Variants in SPATA6L observed in about 807,000 individuals in gnomAD.
The protein encoded by SPATA6L is spermatogenesis associated 6-like protein.
In SPATA6L, 68 loss-of-function variants were observed where a neutral mutation model predicts 49.2. The ratio of observed to expected loss-of-function variants is 1.38; its 90% confidence interval spans 1.14 to 1.69. The LOEUF (loss-of-function observed/expected upper bound fraction) is 1.69. SPATA6L is among the 40% of genes most tolerant of loss of function. The pLI is 0.00. For synonymous variants in SPATA6L, 198 were observed against 165.7 expected, an observed-to-expected ratio of 1.19 and a Z score of -1.50; for missense variants, 668 against 464.3, an observed-to-expected ratio of 1.44 and a Z score of -4.03.
At chr9:4,625,023 T>C (rs1359382248) in intron 6 of SPATA6L, among the ~76,000 whole-genome samples, 3 of 152,200 alleles carry the variant, frequency 2.0e-5, no homozygotes, top group East Asian at 1.9e-4. Context: ...TGTCAGTTCA[T>C]TGACTCTTCA....
At chr9:4,641,243 T>C (rs552984653) in intron 3 of SPATA6L, among the ~76,000 whole-genome samples, 1 of 152,268 alleles carries the variant, frequency 6.6e-6, no homozygotes, top group African/African-American at 2.4e-5. Flanking sequence ...CGTGTTTATA[T>C]ATACTGTATT....
intron 9 of SPATA6L, among the ~76,000 whole-genome samples, chr9:4,613,231 A>C (rs944837643): frequency 6.6e-6 from 1 of 151,498 alleles, no homozygotes; most frequent in African/African-American, 2.4e-5. Flanking sequence ...CTATCTCAAA[A>C]AAAAAAAAGA....
At chr9:4,624,831 G>T (rs138297496) in intron 6 of SPATA6L, among the ~76,000 whole-genome samples, 180 of 152,086 alleles carry the variant, frequency 1.2e-3, no homozygotes, top group African/African-American at 4.2e-3. Flanking sequence ...TTAATTAAGG[G>T]CTTTGAGTAT....
downstream of SPATA6L, among the ~76,000 whole-genome samples, chr9:4,594,955 C>A (rs1253070254): frequency 6.6e-6 from 1 of 152,050 alleles, no homozygotes; most frequent in African/African-American, 2.4e-5. Flanking sequence ...TCTAAGTGTT[C>A]CCTATTCTAT....
At chr9:4,624,843 G>A (rs923975231) in intron 6 of SPATA6L, among the ~76,000 whole-genome samples, 4 of 151,802 alleles carry the variant, frequency 2.6e-5, no homozygotes, top group South Asian at 4.2e-4. Context: ...TTTGAGTATC[G>A]CACAACATTG....
downstream of SPATA6L, among the ~76,000 whole-genome samples, chr9:4,593,572 TCCATTTCCTCC>T: frequency 6.6e-6 from 1 of 152,244 alleles, no homozygotes; most frequent in Admixed American, 6.5e-5. Flanking sequence ...ATACTGTGAC[TCCATTTCCTCC>T]CCACTCACAA....
At chr9:4,646,244 A>G (rs922719769) in intron 3 of SPATA6L, 19 of 317,196 alleles carry the variant, frequency 6.0e-5, no homozygotes, top group African/African-American at 3.4e-4. Flanking sequence ...TAAAAAATGG[A>G]AAGACAAGGA....
intron 3 of SPATA6L, among the ~76,000 whole-genome samples, chr9:4,642,774 G>A (rs1462310849): frequency 6.6e-6 from 1 of 151,142 alleles, no homozygotes; most frequent in Non-Finnish European, 1.5e-5. Flanking sequence ...ACTGTTTTAA[G>A]CATAACTGAT....
chr9:4,663,545 G>A, intron 1 of SPATA6L: 1 of 385,688 alleles, frequency 2.6e-6, no homozygotes, highest in Non-Finnish European at 4.9e-6. Flanking sequence ...AAAACAAGCT[G>A]AGGTGGTTAT....
intron 6 of SPATA6L, among the ~76,000 whole-genome samples, 156 bp from the exon 7 acceptor site, chr9:4,622,666 A>C (rs1205931512): frequency 6.6e-6 from 1 of 152,240 alleles, no homozygotes; most frequent in East Asian, 1.9e-4. Flanking sequence ...CAAGTTTGTT[A>C]CATGTTACAC....
At chr9:4,627,921 T>G in intron 5 of SPATA6L, 1 of 727,792 alleles carries the variant, frequency 1.4e-6, no homozygotes, top group South Asian at 1.5e-5. Flanking sequence ...TGGAGTGCTA[T>G]TCAGCCATTA....
chr9:4,635,418 A>G lies in SPATA6L; in HGVS notation c.227-19T>C. On this transcript the variant is annotated intron_variant, in intron 3 of 11. Transcript: ENST00000682582. ...TCCCACACTAGAAAGAAAATAGAAAAAGCATAAATATCTGTATTTACACCT... is the reference window on the plus strand; with the variant it reads ...TCCCACACTAGAAAGAAAATAGAAAGAGCATAAATATCTGTATTTACACCT... 6.4e-7 allele frequency: 1 copy of G among 1,571,076 alleles called. No homozygotes were observed. Among genetic ancestry groups the G allele is most frequent in the Non-Finnish European group, 8.6e-7 (1 of 1,167,016 alleles).
At chr9:4,663,816 G>A (rs1199247274) in intron 1 of SPATA6L, 1 of 166,914 alleles carries the variant, frequency 6.0e-6, no homozygotes, top group African/African-American at 2.4e-5. Context: ...TCTTAATCCT[G>A]ATTTTCTTGG....
chr9:4,603,071 C>A (rs77214252), intron 11 of SPATA6L, among the ~76,000 whole-genome samples: 2 of 152,210 alleles, frequency 1.3e-5, no homozygotes, highest in African/African-American at 4.8e-5. Context: ...TGCCACAGAT[C>A]TGAATTCTAG....
At chr9:4,609,715 A>G (rs943318963) in intron 9 of SPATA6L, among the ~76,000 whole-genome samples, 4 of 151,382 alleles carry the variant, frequency 2.6e-5, no homozygotes, top group Non-Finnish European at 4.4e-5. Context: ...AACTGGAAGC[A>G]TTCCCTTTGA....
At position 4,625,460 on chromosome 9, in the gene SPATA6L, G is replaced by C. The variant is rs1032806624; in HGVS notation, c.536C>G (p.Pro179Arg). 3 of 1,613,896 alleles carry C rather than the reference G, an allele frequency of 1.9e-6. No homozygotes were observed. Among genetic ancestry groups the C allele is most frequent in the African/African-American group, 2.7e-5 (2 of 74,896 alleles). The stretch of plus-strand genomic sequence containing the variant: ...GGGCGCCCGGGCTTGCATGCCTTTG[G>C]GCAGTCTGTTGAGATTATTCTCCTT... ...KLKENNLNRLPKGMQARAPSQ... is the reference protein window; with the variant it reads ...KLKENNLNRLRKGMQARAPSQ... The change falls in exon 6 of 12, where the codon CCC becomes CGC. Residue 179 changes from proline to arginine, a missense_variant. By Grantham distance (103) the Pro-to-Arg change is moderately radical. Transcript: ENST00000682582.
chr9:4,591,194 A>T (rs777359742), intron 13 of SPATA6L, among the ~76,000 whole-genome samples: 2 of 152,214 alleles, frequency 1.3e-5, no homozygotes, highest in Non-Finnish European at 2.9e-5. Flanking sequence ...CTTCCAGTGT[A>T]TGAGCATGCC....
chr9:4,607,591 T>C (rs1190482709), intron 9 of SPATA6L, among the ~76,000 whole-genome samples: 5 of 151,972 alleles, frequency 3.3e-5, no homozygotes, highest in South Asian at 2.1e-4. Flanking sequence ...GACAAGCAAA[T>C]GCTCAGAGAT....
chr9:4,632,130 C>A (rs1831719798), intron 4 of SPATA6L, among the ~76,000 whole-genome samples: 2 of 150,984 alleles, frequency 1.3e-5, no homozygotes, highest in Non-Finnish European at 1.5e-5. Flanking sequence ...ACCTCTGCCT[C>A]CTGCCTCAGC....
Sources: allele counts gnomAD v4.1 joint callset (sites outside exome capture counted in the v4.1 genomes callset), GRCh38; gene constraint gnomAD v4.1.1; transcripts MANE v1.5; gene names NCBI Gene and HGNC (gene_info 2026-07-23, HGNC 2026-07-21).